Variants in ZNF726 observed in about 807,000 individuals in gnomAD.
ZNF726 encodes zinc finger protein 92 pseudogene 3.
Under a neutral mutation model 11.6 loss-of-function variants are expected in ZNF726, and 15 were observed. The ratio of observed to expected loss-of-function variants is 1.29; its 90% CI spans 0.86 to 1.99. The LOEUF (loss-of-function observed/expected upper bound fraction) is 1.99. Ranked by LOEUF, ZNF726 falls within the 30% of genes most tolerant of loss-of-function variation. The pLI is 0.00. For synonymous variants in ZNF726, 295 were observed against 243.6 expected (o/e 1.21, Z -1.96); for missense variants, 890 against 725.6 (o/e 1.23, Z -2.60).
At chr19:23,940,629 ATG>A (rs1304059592) in intron 3 of ZNF726, among the ~76,000 whole-genome samples, 1 of 152,002 alleles carries the variant, frequency 6.6e-6, no homozygotes, top group Non-Finnish European at 1.5e-5. Context: ...TGAGCATGGG[ATG>A]TGTTTCTATT....
chr19:23,933,191 C>G lies in ZNF726; in HGVS notation c.1075C>G (p.His359Asp). 1 of 1,601,944 alleles carries G rather than the reference C, an allele frequency of 6.2e-7. No individual in the cohort carries two copies. Reference sequence around the variant, plus strand: ...TAGCCAATTCGGACACCTTACTACACATAGGATAATTCATACTGGAGAGAA... The same window carrying G: ...TAGCCAATTCGGACACCTTACTACAGATAGGATAATTCATACTGGAGAGAA... ...AFSQFGHLTT[H>D]RIIHTGEKPY... Residue 359 changes from histidine to aspartate, a missense_variant, in exon 4 of 4, where the codon CAT becomes GAT. Physicochemically the swap from His to Asp is moderately conservative, Grantham distance 81. Coordinates refer to ENST00000594466, the MANE Select transcript of ZNF726 (RefSeq NM_001244038.2).
At chr19:23,941,708 A>G (rs1222604695) in intron 3 of ZNF726, among the ~76,000 whole-genome samples, 1 of 151,494 alleles carries the variant, frequency 6.6e-6, no homozygotes, top group Non-Finnish European at 1.5e-5. Context: ...GGAGGGTTGT[A>G]TTTTTCCAGG....
chr19:23,932,272 A>T (rs1376235605), intron 3 of ZNF726, 71 bp from the exon 4 acceptor site: 3 of 1,131,254 alleles, frequency 2.7e-6, no homozygotes, highest in Non-Finnish European at 2.3e-6. Flanking sequence ...GTATAATTTT[A>T]TAGGTAAGAT....
chr19:23,922,991 T>C (rs1237685736), intron 3 of ZNF726, among the ~76,000 whole-genome samples: 1 of 152,096 alleles, frequency 6.6e-6, no homozygotes, highest in African/African-American at 2.4e-5. Context: ...CTACTTCAAA[T>C]TTGTCTGTAA....
chr19:23,932,539 G>C lies in ZNF726; in HGVS notation c.423G>C (p.Gln141His), dbSNP rs1308423354. The C allele has an allele frequency of 6.3e-7, 1 of 1,589,388 alleles. No homozygotes were observed. The highest frequency in any genetic ancestry group is 1.2e-5 in the South Asian group (1 of 84,888). The change falls in exon 4 of 4, where the codon CAG becomes CAC. Residue 141 changes from glutamine (Q) to histidine (H), a missense_variant. Coordinates refer to ENST00000594466, the MANE Select transcript of ZNF726 (RefSeq NM_001244038.2). Reference sequence around the variant, plus strand: ...TTAACCAGTGTTTCACAACTACCCAGGGCAAAGCTTCTCAATGTGGTAAAT... The same window carrying C: ...TTAACCAGTGTTTCACAACTACCCACGGCAAAGCTTCTCAATGTGGTAAAT... ...NGLNQCFTTTQGKASQCGKYL... is the reference protein window; with the variant it reads ...NGLNQCFTTTHGKASQCGKYL...
downstream of ZNF726, among the ~76,000 whole-genome samples, chr19:23,939,117 C>G (rs1968296548): frequency 6.6e-6 from 1 of 150,978 alleles, no homozygotes; most frequent in African/African-American, 2.4e-5. Context: ...TTATCCCTCC[C>G]CCTTCCCACT....
chr19:23,940,458 T>A (rs1483883490), intron 3 of ZNF726, among the ~76,000 whole-genome samples: 1 of 152,188 alleles, frequency 6.6e-6, no homozygotes, highest in Non-Finnish European at 1.5e-5. Flanking sequence ...TTGTTCTTTT[T>A]GCTTAGTCTT....
chr19:23,930,083 G>A (rs917941328), intron 3 of ZNF726, among the ~76,000 whole-genome samples: 3 of 152,248 alleles, frequency 2.0e-5, no homozygotes, highest in South Asian at 2.1e-4. Flanking sequence ...CATGAGCCAC[G>A]GTGCCTGGCC....
In ZNF726 at chr19:23,932,404, A is replaced by G. The variant is rs768669172; in HGVS notation, c.288A>G (p.Gln96=). 2.0e-6 allele frequency: 3 copies of G among 1,532,264 alleles called. No homozygotes were observed. In the Admixed American group the frequency reaches 6.4e-5, roughly 33 times the overall value. 94.9% of individuals were successfully genotyped at this position (1,532,264 alleles called of 1,614,324 possible). A position where few individuals can be genotyped will look rare whatever the true frequency, so the allele number is the denominator to read the frequency against. Residue 96 remains glutamine (Q), a synonymous_variant, in exon 4 of 4, where the codon CAA becomes CAG. Coordinates refer to ENST00000594466, the MANE Select transcript of ZNF726 (RefSeq NM_001244038.2). ...AGCAGGGCGTGGAAGATTCTTTTCA[A>G]AAAGTAATACTAAGAAGATTTGAAA... ...WPEQGVEDSF[Q]KVILRRFEKC...
At chr19:23,918,516 G>A (rs1038615776) in intron 1 of ZNF726, among the ~76,000 whole-genome samples, 1 of 152,158 alleles carries the variant, frequency 6.6e-6, no homozygotes. Flanking sequence ...GCTAAATTCA[G>A]ACTGTAATTT....
intron 3 of ZNF726, among the ~76,000 whole-genome samples, chr19:23,925,689 AT>A (rs1451528758): frequency 1.2e-4 from 17 of 144,316 alleles, no homozygotes; most frequent in African/African-American, 4.3e-4. Context: ...AAGTTATTCA[AT>A]TTGATTGTTC....
At chr19:23,927,009 G>C (rs1241481171) in intron 3 of ZNF726, among the ~76,000 whole-genome samples, 1 of 152,106 alleles carries the variant, frequency 6.6e-6, no homozygotes, top group Non-Finnish European at 1.5e-5. Flanking sequence ...ATGGAGTCTT[G>C]CTCTGTCGCC....
rs1035670169 is a variant in ZNF726, at chr19:23,933,106, A to G, written c.990A>G (p.Arg330=). 1.2e-6 allele frequency: 2 copies of G among 1,612,334 alleles called. No homozygotes were observed. Among genetic ancestry groups the G allele is most frequent in the Non-Finnish European group, 1.7e-6 (2 of 1,179,956 alleles). Residue 330 remains arginine (R), a synonymous_variant, in exon 4 of 4, where the codon AGA becomes AGG. Coordinates refer to ENST00000594466, the MANE Select transcript of ZNF726 (RefSeq NM_001244038.2). The part of the protein sequence containing the change: ...KAFVWSSTLT[R]HKRLHSGEKP... ...TTGTTTGGTCCTCAACCCTAACTAG[A>G]CATAAGAGGCTGCACAGTGGAGAGA...
downstream of ZNF726, among the ~76,000 whole-genome samples, chr19:23,937,521 A>G (rs575446290): frequency 2.0e-5 from 3 of 150,592 alleles, no homozygotes; most frequent in African/African-American, 7.4e-5. Context: ...GGCAGGGCAG[A>G]GGTGCTCCCC....
chr19:23,925,227 T>C (rs1289456806), intron 3 of ZNF726, among the ~76,000 whole-genome samples: 1 of 152,258 alleles, frequency 6.6e-6, no homozygotes, highest in Non-Finnish European at 1.5e-5. Context: ...TTCAGGTTCC[T>C]ATGTTATGTA....
Position 23,934,292 on chromosome 19 carries a change from G to T in ZNF726, c.*325G>T, listed in dbSNP as rs764301104. The stretch of plus-strand genomic sequence containing the variant: ...TAGACATAAGAGGATGCACACTGGA[G>T]AGAAACCTTACAAATGTGAGGAATG... On this transcript the variant is annotated 3_prime_UTR_variant, in exon 4 of 4. Coordinates refer to ENST00000594466, the MANE Select transcript of ZNF726 (RefSeq NM_001244038.2). The T allele has an allele frequency of 1.6e-6, 1 of 629,232 alleles. No individual in the cohort carries two copies. The highest frequency in any genetic ancestry group is 1.4e-5 in the South Asian group (1 of 71,408). The allele number at this position is 629,232 out of a possible 1,614,324, so 39.0% of individuals were successfully genotyped here. A position where few individuals can be genotyped will look rare whatever the true frequency, so the allele number is the denominator to read the frequency against.
chr19:23,934,838 C>A (rs768617467), downstream of ZNF726, among the ~76,000 whole-genome samples: 1 of 152,238 alleles, frequency 6.6e-6, no homozygotes, highest in Non-Finnish European at 1.5e-5. Flanking sequence ...TGGCACAGTG[C>A]CTGGGCACAC....
At position 23,932,777 on chromosome 19, in the gene ZNF726, A is replaced by G; in HGVS notation, c.661A>G (p.Lys221Glu). ...NWSSTLTNHK[K>E]THTEEKPYKC... ...GTCCTCAACCCTTACTAATCATAAG[A>G]AAACTCATACTGAAGAAAAGCCCTA... is the stretch of plus-strand genomic sequence containing the variant. Residue 221 changes from lysine (K) to glutamate (E), a missense_variant, in exon 4 of 4, where the codon AAA becomes GAA. Physicochemically the swap from Lys to Glu is moderately conservative, Grantham distance 56 (BLOSUM62 1). Coordinates refer to ENST00000594466, the MANE Select transcript of ZNF726 (RefSeq NM_001244038.2). 2 of 1,612,450 alleles carry G rather than the reference A, an allele frequency of 1.2e-6. No homozygotes were observed. Among genetic ancestry groups the G allele is most frequent in the Non-Finnish European group, 8.5e-7 (1 of 1,179,522 alleles).
intron 1 of ZNF726, among the ~76,000 whole-genome samples, chr19:23,918,191 A>G (rs944353448): frequency 1.3e-5 from 2 of 152,200 alleles, no homozygotes; most frequent in Non-Finnish European, 2.9e-5. Context: ...AAGGTTGTTT[A>G]CCAGGGAAGG....
Sources: allele counts gnomAD v4.1 joint callset (sites outside exome capture counted in the v4.1 genomes callset), GRCh38; gene constraint gnomAD v4.1.1; transcripts MANE v1.5; gene names NCBI Gene and HGNC (gene_info 2026-07-23, HGNC 2026-07-21).